The following LRRC56 variants were observed in gnomAD, a reference collection of about 807,000 sequenced individuals.
LRRC56 encodes the protein leucine-rich repeat-containing protein 56.
In LRRC56, 41 loss-of-function variants were observed where a neutral mutation model predicts 47.8. That is an observed-to-expected ratio of 0.86 (90% CI 0.67 to 1.11). The LOEUF (loss-of-function observed/expected upper bound fraction) is 1.11, where lower values mean the gene tolerates loss of function less well. LRRC56 is among the 50% of genes most tolerant of loss of function. The pLI, the probability that LRRC56 is intolerant of heterozygous loss-of-function variation, is 0.00. For missense variants in LRRC56, 759 were observed against 704.2 expected (o/e 1.08, Z -0.88); for synonymous variants, 387 against 311.2 (o/e 1.24, Z -2.56).
At chr11:529,872 A>G in the LRRC56 span, 3 of 152,146 alleles carry the variant, frequency 2.0e-5, no homozygotes, top group Admixed American at 6.5e-5. Context: ...CAGCTCCCAC[A>G]TGGGGGCCTG....
chr11:525,974 G>C, the LRRC56 span, among the ~76,000 whole-genome samples: 1 of 152,170 alleles, frequency 6.6e-6, no homozygotes, highest in East Asian at 1.9e-4. Context: ...GGGAGGCCAA[G>C]GCAGGCAGAT....
the LRRC56 span, among the ~76,000 whole-genome samples, chr11:514,274 G>A: frequency 6.6e-6 from 1 of 151,338 alleles, no homozygotes; most frequent in Non-Finnish European, 1.5e-5. Context: ...GATTACAGGT[G>A]TGAGCCACCA....
chr11:517,057 C>A, the LRRC56 span, among the ~76,000 whole-genome samples: 2 of 152,196 alleles, frequency 1.3e-5, no homozygotes, highest in Non-Finnish European at 2.9e-5. Flanking sequence ...GCCCTGTTGA[C>A]CGGGCTGGTC....
Position 554,538 on chromosome 11 carries a change from T to C in LRRC56, c.*262T>C, listed in dbSNP as rs571186389. On this transcript the variant is annotated 3_prime_UTR_variant, in exon 14 of 14. Transcript: ENST00000270115. The stretch of plus-strand genomic sequence containing the variant: ...CCCAGCCCTTCCTTAGGGCCAGGCT[T>C]TCCCGCGGGCACGGGGGTGGGGGGT... 3.5e-4 allele frequency: 143 copies of C among 413,830 alleles called. No individual in the cohort carries two copies. Among genetic ancestry groups the C allele is most frequent in the Non-Finnish European group, 5.5e-4 (128 of 234,746 alleles). The allele number at this position is 413,830 out of a possible 1,614,324, so 25.6% of individuals were successfully genotyped here.
At chr11:534,100 C>T (rs888029805), upstream of LRRC56, 5 of 1,164,790 alleles carry the variant, frequency 4.3e-6, no homozygotes, top group South Asian at 6.1e-5. Flanking sequence ...AAGCAGGAGA[C>T]AGGGCCACAG....
At chr11:515,153 G>T in the LRRC56 span, among the ~76,000 whole-genome samples, 4 of 152,164 alleles carry the variant, frequency 2.6e-5, no homozygotes, top group Admixed American at 1.3e-4. Context: ...GTGCACATGT[G>T]GGGAGGGTCA....
At chr11:511,670 G>C in the LRRC56 span, among the ~76,000 whole-genome samples, 1 of 152,244 alleles carries the variant, frequency 6.6e-6, no homozygotes, top group African/African-American at 2.4e-5. Flanking sequence ...CGGCAGGACA[G>C]TATATGCCTC....
chr11:551,880 C>T (rs1564807382), intron 10 of LRRC56, 23 bp from the exon 11 acceptor site: 1 of 1,612,012 alleles, frequency 6.2e-7, no homozygotes. Flanking sequence ...CCGAACCAGG[C>T]CCAGCCATGC....
the LRRC56 span, among the ~76,000 whole-genome samples, chr11:508,579 C>CA: frequency 1.4e-4 from 22 of 151,988 alleles, no homozygotes; most frequent in African/African-American, 5.1e-4. Flanking sequence ...CCAGCCTGGC[C>CA]AACGTGGTGA....
At chr11:517,623 G>T in the LRRC56 span, among the ~76,000 whole-genome samples, 25 of 152,272 alleles carry the variant, frequency 1.6e-4, no homozygotes, top group Middle Eastern at 3.4e-3. Context: ...GGTGAGGAGT[G>T]CCTCTGCCAG....
the LRRC56 span, among the ~76,000 whole-genome samples, chr11:510,715 G>A: frequency 6.6e-6 from 1 of 151,680 alleles, no homozygotes; most frequent in Non-Finnish European, 1.5e-5. Flanking sequence ...TCCAGCCTGG[G>A]CAACAAAAAG....
chr11:512,279 A>G, the LRRC56 span, among the ~76,000 whole-genome samples: 1 of 151,812 alleles, frequency 6.6e-6, no homozygotes, highest in South Asian at 2.1e-4. Context: ...TCTGTCGCCC[A>G]GGCTGGAGTG....
At chr11:540,275 A>G (rs973358417) in intron 3 of LRRC56, among the ~76,000 whole-genome samples, 8 of 152,186 alleles carry the variant, frequency 5.3e-5, no homozygotes, top group African/African-American at 1.4e-4. Context: ...CATAGCCCAC[A>G]GCTTGAGGCA....
Position 554,667 on chromosome 11 carries a change from G to C in LRRC56, c.*391G>C, listed in dbSNP as rs1398728446. ...TCCACCACTCCCTTGCCGGCCCCAG[G>C]GTAAGAGCCACCTCCTAGGCCGCAG... On this transcript the variant is annotated 3_prime_UTR_variant, in exon 14 of 14. Transcript: ENST00000270115. 2.4e-6 allele frequency: 1 copy of C among 411,668 alleles called. No individual in the cohort carries two copies. The highest frequency in any genetic ancestry group is 4.4e-6 in the Non-Finnish European group (1 of 229,722). The allele number at this position is 411,668 out of a possible 1,614,324, so 25.5% of individuals were successfully genotyped here.
the LRRC56 span, among the ~76,000 whole-genome samples, chr11:527,133 C>G: frequency 8.2e-4 from 124 of 151,958 alleles, no homozygotes; most frequent in Middle Eastern, 0.01. Context: ...AACCCCGTCT[C>G]TACAAAAATA....
At chr11:532,698 T>C, upstream of LRRC56, 1 of 1,613,206 alleles carries the variant, frequency 6.2e-7, no homozygotes, top group Non-Finnish European at 8.5e-7. Context: ...GGGTTCAGCT[T>C]CCGCAGCTTG....
chr11:528,112 A>G, the LRRC56 span, among the ~76,000 whole-genome samples: 1 of 152,220 alleles, frequency 6.6e-6, no homozygotes, highest in East Asian at 1.9e-4. Flanking sequence ...CTGGGATTAC[A>G]GGCTTGAGCC....
upstream of LRRC56, chr11:536,998 G>A (rs1851535028): frequency 6.6e-6 from 1 of 152,274 alleles, no homozygotes; most frequent in Non-Finnish European, 1.5e-5. Flanking sequence ...GTGTCCCGCG[G>A]GCCGGGCACT....
At chr11:515,033 A>G in the LRRC56 span, among the ~76,000 whole-genome samples, 1 of 152,200 alleles carries the variant, frequency 6.6e-6, no homozygotes, top group African/African-American at 2.4e-5. Context: ...AAAGACTTGA[A>G]AGGGCCACCA....
Sources: allele counts gnomAD v4.1 joint callset (sites outside exome capture counted in the v4.1 genomes callset), GRCh38; gene constraint gnomAD v4.1.1; transcripts MANE v1.5; gene names NCBI Gene and HGNC (gene_info 2026-07-23, HGNC 2026-07-21).